HSF4: variants seen among roughly 807,000 people sequenced by gnomAD.
The protein encoded by HSF4 is heat shock transcription factor 4.
HSF4 carries 41 observed loss-of-function variants against 52.0 expected under a neutral mutation model. The ratio of observed to expected loss-of-function variants is 0.79; its 90% CI spans 0.61 to 1.02. The LOEUF (loss-of-function observed/expected upper bound fraction) is 1.02. Ranked by LOEUF, HSF4 falls within the 50% of genes least tolerant of loss-of-function variation. HSF4 has a pLI of 0.00. For missense variants in HSF4, 610 were observed against 651.1 expected (o/e 0.94, Z 0.69); for synonymous variants, 285 against 273.0 (o/e 1.04, Z -0.43).
At chr16:67,167,295 C>T (rs773652141) in intron 7 of HSF4, 73 bp downstream of exon 7, 10 of 1,610,858 alleles carry the variant, frequency 6.2e-6, no homozygotes, top group Non-Finnish European at 8.5e-6. Flanking sequence ...CTCCCCATCC[C>T]CTAAAAGGAA....
Position 67,165,044 on chromosome 16 carries a change from T to A in HSF4, c.123+110T>A. The A allele has an allele frequency of 8.0e-7, 1 of 1,256,600 alleles. No individual in the cohort carries two copies. The highest frequency in any genetic ancestry group is 2.7e-5 in the Admixed American group (1 of 37,634). The allele number at this position is 1,256,600 out of a possible 1,614,324, so 77.8% of individuals were successfully genotyped here. ...TGAGACTGGGCCGTGGATCCCCGGA[T>A]TTGGCCATTCAGAGAAGTTCACCTT... On this transcript the variant is annotated intron_variant, in intron 1 of 12. Transcript: ENST00000521374. The surrounding 1 kb of genome is among the most constrained non-coding windows in gnomAD (Gnocchi z 6.9).
At position 67,165,960 on chromosome 16, in the gene HSF4, CGGCGACGACG is replaced by C. The variant is rs767221633; in HGVS notation, c.377_386del (p.Gly126AlafsTer44). On this transcript the variant is annotated frameshift_variant, in exon 4 of 13. Coordinates refer to ENST00000521374, the MANE Select transcript of HSF4 (RefSeq NM_001374675.1). LOFTEE classifies it high-confidence loss of function. This position sits in a 1 kb window ranked among gnomAD's most constrained non-coding sequence, Gnocchi z 6.9. ...CCCGCCTGCAGGTGCCCGCGCTGCG[CGGCGACGACG>C]GCCGCTGGCGCCCGGAGGACCTGGG... 6.4e-7 allele frequency: 1 copy of C among 1,565,128 alleles called. No homozygotes were observed. Among genetic ancestry groups the C allele is most frequent in the Non-Finnish European group, 8.6e-7 (1 of 1,164,300 alleles).
At chr16:67,167,285 C>T in intron 7 of HSF4, 63 bp downstream of exon 7, 1 of 1,611,928 alleles carries the variant, frequency 6.2e-7, no homozygotes, top group South Asian at 1.1e-5. Flanking sequence ...CCTGTTCCTT[C>T]TCCCCATCCC....
In HSF4 at chr16:67,165,228, T is replaced by C; in HGVS notation, c.123+294T>C. The stretch of plus-strand genomic sequence containing the variant: ...ACAGAGGCCGGGAGATGGGAAGGGC[T>C]GGTCTAGCTCAGGGTCACATTGCGG... On this transcript the variant is annotated intron_variant, in intron 1 of 12. Coordinates refer to ENST00000521374, the MANE Select transcript of HSF4 (RefSeq NM_001374675.1). The surrounding 1 kb of genome is among the most constrained non-coding windows in gnomAD (Gnocchi z 6.9). The C allele has an allele frequency of 3.4e-6, 2 of 592,122 alleles. No homozygotes were observed. Among genetic ancestry groups the C allele is most frequent in the Non-Finnish European group, 6.0e-6 (2 of 332,708 alleles). The allele number at this position is 592,122 out of a possible 1,614,324, so 36.7% of individuals were successfully genotyped here.
At chr16:67,164,626 C>G, upstream of HSF4, 1 of 624,062 alleles carries the variant, frequency 1.6e-6, no homozygotes, top group Non-Finnish European at 2.8e-6. Flanking sequence ...TCCAGCCAGC[C>G]TTTTCTGCCT....
exon 13 of HSF4, chr16:67,169,932 G>GTTT (rs3215366): frequency 6.4e-5 from 40 of 629,596 alleles, no homozygotes; most frequent in Middle Eastern, 3.9e-4. The surrounding 1 kb of genome is among the most constrained non-coding windows in gnomAD (Gnocchi z 4.3). Context: ...CATAAACTCC[G>GTTT]TTTTTTTTTT....
chr16:67,166,358 G>C lies in HSF4; in HGVS notation c.524G>C (p.Arg175Pro). The part of the protein sequence containing the change: ...EILWREVVTL[R>P]QSHGQQHRVI... ...TTGTGGCGGGAGGTGGTGACACTTC[G>C]GCAGAGCCACGGTCAGCAGCACCGG... The change falls in exon 5 of 13, where the codon CGG becomes CCG. Residue 175 changes from arginine (R) to proline (P), a missense_variant. Coordinates refer to ENST00000521374, the MANE Select transcript of HSF4 (RefSeq NM_001374675.1). 1 of 1,608,378 alleles carries C rather than the reference G, an allele frequency of 6.2e-7. No homozygotes were observed. The highest frequency in any genetic ancestry group is 1.1e-5 in the South Asian group (1 of 90,206).
rs751352281 is a variant in HSF4 at position 67,165,527 on chromosome 16, G to C, written c.129G>C (p.Gly43=). 2 of 1,613,056 alleles carry C rather than the reference G, an allele frequency of 1.2e-6. No homozygotes were observed. The highest frequency in any genetic ancestry group is 2.2e-5 in the South Asian group (2 of 91,088). Residue 43 remains glycine (G), a synonymous_variant, in exon 2 of 13, where the codon GGG becomes GGC. Coordinates refer to ENST00000521374, the MANE Select transcript of HSF4 (RefSeq NM_001374675.1). The surrounding 1 kb of genome is among the most constrained non-coding windows in gnomAD (Gnocchi z 6.9). ...GCGGGCGGCGTTCTTGGTAGAGCGG[G>C]ACCAGTTTCCTCGTAAGCGACCAGA... ...TDHLIRWSPS[G]TSFLVSDQSR...
chr16:67,164,014 T>C, upstream of HSF4: 1 of 791,616 alleles, frequency 1.3e-6, no homozygotes, highest in Non-Finnish European at 2.1e-6. Context: ...TCTCACCCTC[T>C]GCAGACGCCC....
chr16:67,168,898 C>G lies in HSF4; in HGVS notation c.1150C>G (p.Pro384Ala). Residue 384 changes from proline to alanine, a missense_variant, in exon 10 of 13, where the codon CCC (proline) becomes GCC (alanine). Physicochemically the swap from Pro to Ala is conservative, Grantham distance 27. Coordinates refer to ENST00000521374, the MANE Select transcript of HSF4 (RefSeq NM_001374675.1). ...TCTGCTGCCTCCGATGCTGCTTCAGCCCCCTCAAGAAAGTGTGGAACCTGC... is the reference window on the plus strand; with the variant it reads ...TCTGCTGCCTCCGATGCTGCTTCAGGCCCCTCAAGAAAGTGTGGAACCTGC... ...ESLLPPMLLQ[P>A]PQESVEPAGP... 4 of 1,614,072 alleles carry G rather than the reference C, an allele frequency of 2.5e-6. No homozygotes were observed. Among genetic ancestry groups the G allele is most frequent in the Non-Finnish European group, 3.4e-6 (4 of 1,180,032 alleles).
chr16:67,167,062 G>C (rs545540838), intron 6 of HSF4, 58 bp from the exon 7 acceptor site: 3 of 1,612,770 alleles, frequency 1.9e-6, no homozygotes, highest in Non-Finnish European at 1.7e-6. Context: ...AGTGCAGGCC[G>C]AGGTGCATGG....
At position 67,169,260 on chromosome 16, in the gene HSF4, C is replaced by T; in HGVS notation, c.1255-19C>T. On this transcript the variant is annotated intron_variant, in intron 11 of 12. Transcript: ENST00000521374. This position sits in a 1 kb window ranked among gnomAD's most constrained non-coding sequence, Gnocchi z 4.3. ...CTGCTAGGTCCCCTCCCCAGCTGCT[C>T]CCTGCGGTTCTCACGCAGATGCAGC... The T allele has an allele frequency of 6.2e-7, 1 of 1,613,020 alleles. No individual in the cohort carries two copies. Among genetic ancestry groups the T allele is most frequent in the African/African-American group, 1.3e-5 (1 of 75,038 alleles).
chr16:67,167,670 A>G, intron 8 of HSF4, 50 bp from the exon 9 acceptor site: 2 of 1,611,680 alleles, frequency 1.2e-6, no homozygotes, highest in Non-Finnish European at 1.7e-6. Context: ...CTGTAGGGGT[A>G]GAGGGAGAAG....
chr16:67,163,762 C>A (rs913428549), upstream of HSF4: 1 of 1,585,736 alleles, frequency 6.3e-7, no homozygotes, highest in Non-Finnish European at 8.5e-7. Flanking sequence ...CGCCTGCGCA[C>A]CTATACCCTC....
At position 67,164,754 on chromosome 16, in the gene HSF4, G is replaced by C. The variant is rs1257563017; in HGVS notation, c.-58G>C. ...GGGCGGCAAACGCAGCACTTTCCGC[G>C]GCTTTGACGAGCCCGCAGCGGCCGG... On this transcript the variant is annotated 5_prime_UTR_variant, in exon 1 of 13. Transcript: ENST00000521374. 4 of 1,534,830 alleles carry C rather than the reference G, an allele frequency of 2.6e-6. No individual in the cohort carries two copies. Among genetic ancestry groups the C allele is most frequent in the African/African-American group, 1.4e-5 (1 of 70,448 alleles).
chr16:67,164,760 G>A lies in HSF4; in HGVS notation c.-52G>A, dbSNP rs372719519. On this transcript the variant is annotated 5_prime_UTR_variant, in exon 1 of 13. Transcript: ENST00000521374. ...CAAACGCAGCACTTTCCGCGGCTTTGACGAGCCCGCAGCGGCCGGGCCCGA... is the reference window on the plus strand; with the variant it reads ...CAAACGCAGCACTTTCCGCGGCTTTAACGAGCCCGCAGCGGCCGGGCCCGA... The A allele has an allele frequency of 3.9e-6, 6 of 1,553,054 alleles. No individual in the cohort carries two copies. Among genetic ancestry groups the A allele is most frequent in the Non-Finnish European group, 5.2e-6 (6 of 1,159,494 alleles).
At position 67,165,439 on chromosome 16, in the gene HSF4, T is replaced by C; in HGVS notation, c.124-83T>C. 1 of 1,264,718 alleles carries C rather than the reference T, an allele frequency of 7.9e-7. No homozygotes were observed. The highest frequency in any genetic ancestry group is 2.3e-5 in the East Asian group (1 of 43,212). 78.3% of individuals were successfully genotyped at this position (1,264,718 alleles called of 1,614,324 possible). A position where few individuals can be genotyped will look rare whatever the true frequency, so the allele number is the denominator to read the frequency against. ...AGTGAGCATGAGTGTGTGCGCGCGC[T>C]GGAGCGCAGGACTGGCCGTGAGCGG... is the stretch of plus-strand genomic sequence containing the variant. On this transcript the variant is annotated intron_variant, in intron 1 of 12. Transcript: ENST00000521374. The surrounding 1 kb of genome is among the most constrained non-coding windows in gnomAD (Gnocchi z 6.9).
rs569626662 is a variant in HSF4 at position 67,164,768 on chromosome 16, C to G, written c.-44C>G. On this transcript the variant is annotated 5_prime_UTR_variant, in exon 1 of 13. Transcript: ENST00000521374. ...GCACTTTCCGCGGCTTTGACGAGCC[C>G]GCAGCGGCCGGGCCCGAGCGCAGAG... is the stretch of plus-strand genomic sequence containing the variant. 2.1e-5 allele frequency: 33 copies of G among 1,560,230 alleles called. No individual in the cohort carries two copies. Among genetic ancestry groups the G allele is most frequent in the Non-Finnish European group, 2.8e-5 (32 of 1,162,846 alleles).
chr16:67,167,749 AGCCGGCCAGTCCAGGGGGGGATGGCGAG>A lies in HSF4; in HGVS notation c.890_917del (p.Ala297GlyfsTer13). The A allele has an allele frequency of 6.2e-7, 1 of 1,606,932 alleles. No homozygotes were observed. Among genetic ancestry groups the A allele is most frequent in the Non-Finnish European group, 8.5e-7 (1 of 1,177,192 alleles). The stretch of plus-strand genomic sequence containing the variant: ...AAGGGCCTGGCACTGCTCAAAGAAG[AGCCGGCCAGTCCAGGGGGGGATGGCGAG>A]GCCGGGCTGGCCCTGGCCCCAAACG... On this transcript the variant is annotated frameshift_variant, in exon 9 of 13. Coordinates refer to ENST00000521374, the MANE Select transcript of HSF4 (RefSeq NM_001374675.1). LOFTEE classifies it high-confidence loss of function.
Sources: allele counts gnomAD v4.1 joint callset, GRCh38; gene constraint gnomAD v4.1.1; non-coding constraint Gnocchi (gnomAD v3.1); transcripts MANE v1.5; gene names NCBI Gene and HGNC (gene_info 2026-07-23, HGNC 2026-07-21).